CA10: variants seen among roughly 807,000 people sequenced by gnomAD.
CA10 encodes the protein carbonic anhydrase 10 (inactive), also known as carbonic anhydrase-related protein 10.
Under a neutral mutation model 44.2 loss-of-function variants are expected in CA10, and 14 were observed. The ratio of observed to expected loss-of-function variants is 0.32; its 90% CI spans 0.21 to 0.50. The LOEUF (loss-of-function observed/expected upper bound fraction) is 0.50, where lower values mean the gene tolerates loss of function less well. Ranked by LOEUF, CA10 falls within the 20% of genes least tolerant of loss-of-function variation. The pLI is 0.99. For missense variants in CA10, 350 were observed against 409.7 expected (o/e 0.85, Z 1.26); for synonymous variants, 159 against 141.6 (o/e 1.12, Z -0.87).
chr17:51,669,194 G>C (rs936579972), intron 4 of CA10, among the ~76,000 whole-genome samples: 2 of 152,276 alleles, frequency 1.3e-5, no homozygotes, highest in African/African-American at 4.8e-5. Context: ...GGCAAAGCCA[G>C]CTGGGCTCCT....
At chr17:51,695,462 A>G (rs776561725) in intron 4 of CA10, among the ~76,000 whole-genome samples, 22 of 151,530 alleles carry the variant, frequency 1.5e-4, no homozygotes, top group Non-Finnish European at 2.4e-4. Flanking sequence ...TCTTGATTTG[A>G]CTCTCAGCTT....
chr17:52,002,967 T>G (rs1985477917), intron 2 of CA10, among the ~76,000 whole-genome samples: 1 of 151,984 alleles, frequency 6.6e-6, no homozygotes, highest in Non-Finnish European at 1.5e-5. Context: ...TATACAATCC[T>G]TCCTTCTCTA....
chr17:52,002,120 T>C (rs997368146), intron 2 of CA10, among the ~76,000 whole-genome samples: 4 of 151,798 alleles, frequency 2.6e-5, no homozygotes, highest in African/African-American at 9.7e-5. Context: ...AAGACTCCCA[T>C]GAAACTTTAA....
intron 2 of CA10, among the ~76,000 whole-genome samples, chr17:52,002,806 T>C (rs895824176): frequency 1.4e-4 from 21 of 151,914 alleles, no homozygotes; most frequent in African/African-American, 5.1e-4. Flanking sequence ...GAAGCCAGTT[T>C]GCTTATTACC....
intron 4 of CA10, among the ~76,000 whole-genome samples, chr17:51,690,973 C>T (rs1567804653): frequency 6.6e-6 from 1 of 152,052 alleles, no homozygotes; most frequent in Non-Finnish European, 1.5e-5. Context: ...TTTACCATTG[C>T]TCCACTGATG....
intron 4 of CA10, among the ~76,000 whole-genome samples, chr17:51,655,031 AAAT>A (rs1207464053): frequency 6.6e-6 from 1 of 152,196 alleles, no homozygotes; most frequent in Non-Finnish European, 1.5e-5. Flanking sequence ...AGCGTATAAA[AAAT>A]AATAAATTCC....
Position 52,157,934 on chromosome 17 carries a change from A to AC in CA10, c.-149dup. 1.4e-6 allele frequency: 1 copy of AC among 710,956 alleles called. No individual in the cohort carries two copies. The highest frequency in any genetic ancestry group is 2.0e-5 in the Admixed American group (1 of 49,354). The allele number at this position is 710,956 out of a possible 1,614,324, so 44.0% of individuals were successfully genotyped here. ...ACCCGACAGCCGGCCAGGGACAGTC[A>AC]CCCCCAAGATCAATATCGCAGTTTG... is the stretch of plus-strand genomic sequence containing the variant. On this transcript the variant is annotated 5_prime_UTR_variant, in exon 1 of 9. Coordinates refer to ENST00000451037, the MANE Select transcript of CA10 (RefSeq NM_020178.5).
intron 2 of CA10, among the ~76,000 whole-genome samples, chr17:51,998,872 C>G (rs1032575010): frequency 6.6e-6 from 1 of 151,976 alleles, no homozygotes; most frequent in African/African-American, 2.4e-5. Context: ...TCTCTCTCTT[C>G]CATATAGAAT....
intron 4 of CA10, among the ~76,000 whole-genome samples, chr17:51,684,555 G>C (rs1914946859): frequency 6.6e-6 from 1 of 152,206 alleles, no homozygotes. Context: ...TGCCCTGGTT[G>C]AAAGGCATAG....
At chr17:51,807,687 A>C (rs932661300) in intron 3 of CA10, among the ~76,000 whole-genome samples, 19 of 152,248 alleles carry the variant, frequency 1.2e-4, no homozygotes, top group Admixed American at 7.2e-4. Context: ...AGTGAAAAAG[A>C]ATGAACTACT....
chr17:52,078,423 A>G (rs546054904), intron 1 of CA10, among the ~76,000 whole-genome samples: 18 of 152,332 alleles, frequency 1.2e-4, no homozygotes, highest in African/African-American at 3.8e-4. Context: ...GTACAATTAT[A>G]CCTGTGCCAA....
intron 3 of CA10, 118 bp downstream of exon 3, chr17:51,930,872 G>A (rs1268433988): frequency 4.2e-6 from 5 of 1,189,242 alleles, no homozygotes; most frequent in Non-Finnish European, 6.0e-6. Context: ...TCTGAAGTCT[G>A]TGGTATTCCT....
intron 3 of CA10, among the ~76,000 whole-genome samples, chr17:51,818,274 T>G (rs1907642808): frequency 6.6e-6 from 1 of 152,246 alleles, no homozygotes; most frequent in Non-Finnish European, 1.5e-5. Flanking sequence ...TGAGTAAATC[T>G]TTCTTTTTTA....
intron 2 of CA10, among the ~76,000 whole-genome samples, chr17:51,996,125 C>T (rs1416899921): frequency 6.6e-6 from 1 of 151,960 alleles, no homozygotes. Flanking sequence ...CCTTGAGGAG[C>T]TCCCAGTAAA....
At chr17:52,075,723 G>A (rs192800246) in intron 1 of CA10, among the ~76,000 whole-genome samples, 116 of 152,044 alleles carry the variant, frequency 7.6e-4, no homozygotes, top group African/African-American at 2.7e-3. Flanking sequence ...CCCCAGAAAC[G>A]GTGACATCCC....
At chr17:51,787,679 G>A (rs1389461219) in intron 3 of CA10, among the ~76,000 whole-genome samples, 1 of 151,922 alleles carries the variant, frequency 6.6e-6, no homozygotes, top group Non-Finnish European at 1.5e-5. Context: ...TGTATTTTTA[G>A]TAGAGATGGG....
intron 4 of CA10, among the ~76,000 whole-genome samples, chr17:51,720,921 G>A (rs532398160): frequency 6.6e-6 from 1 of 152,320 alleles, no homozygotes; most frequent in South Asian, 2.1e-4. Context: ...AAAAAATGAT[G>A]TGAGGTGATG....
intron 2 of CA10, among the ~76,000 whole-genome samples, chr17:52,019,887 T>C (rs1347192222): frequency 2.0e-5 from 3 of 151,998 alleles, no homozygotes; most frequent in Non-Finnish European, 4.4e-5. Context: ...TACAGTGTAA[T>C]ATCACTGTGA....
At chr17:51,685,901 T>C (rs888609813) in intron 4 of CA10, among the ~76,000 whole-genome samples, 1 of 152,202 alleles carries the variant, frequency 6.6e-6, no homozygotes, top group African/African-American at 2.4e-5. Context: ...CATTCTGAGC[T>C]CAATGCTGGC....
Sources: gnomAD v4.1 joint callset for allele counts (sites outside exome capture counted in the v4.1 genomes callset) on GRCh38, gnomAD v4.1.1 for gene constraint, MANE v1.5 for transcripts, NCBI Gene and HGNC (gene_info 2026-07-23, HGNC 2026-07-21) for gene names.